UBE3D: variants seen among roughly 807,000 people sequenced by gnomAD.
UBE3D encodes ubiquitin protein ligase E3D.
UBE3D carries 48 observed loss-of-function variants against 49.6 expected under a neutral mutation model. That is an observed-to-expected ratio of 0.97 (90% CI 0.77 to 1.23). The LOEUF (loss-of-function observed/expected upper bound fraction) is 1.23. Ranked by LOEUF, UBE3D falls within the 50% of genes most tolerant of loss-of-function variation. The pLI is 0.00. For synonymous variants in UBE3D, 189 were observed against 174.2 expected (o/e 1.08, Z -0.67); for missense variants, 452 against 468.4 (o/e 0.96, Z 0.32).
At chr6:83,055,668 T>C (rs1216345325) in intron 2 of UBE3D, among the ~76,000 whole-genome samples, 1 of 152,176 alleles carries the variant, frequency 6.6e-6, no homozygotes, top group African/African-American at 2.4e-5. Flanking sequence ...TGTGCTCTAA[T>C]AGATCCTACT....
At chr6:82,911,227 AG>A (rs1772500613) in intron 9 of UBE3D, among the ~76,000 whole-genome samples, 2 of 141,474 alleles carry the variant, frequency 1.4e-5, no homozygotes, top group South Asian at 4.5e-4. Flanking sequence ...AAAAAAACTC[AG>A]GGGGGACATG....
intron 8 of UBE3D, among the ~76,000 whole-genome samples, chr6:83,010,598 G>C (rs1780268506): frequency 6.6e-6 from 1 of 152,108 alleles, no homozygotes; most frequent in South Asian, 2.1e-4. Context: ...ACATATAAAG[G>C]GGAGTTTATT....
intron 8 of UBE3D, among the ~76,000 whole-genome samples, chr6:83,013,492 T>C (rs538564288): frequency 5.3e-5 from 8 of 152,322 alleles, no homozygotes; most frequent in African/African-American, 1.7e-4. Flanking sequence ...AGCCTGGACC[T>C]GTTGCAGAGC....
chr6:82,983,336 ACTT>A (rs1328995382), intron 8 of UBE3D, among the ~76,000 whole-genome samples: 3 of 151,858 alleles, frequency 2.0e-5, no homozygotes, highest in Non-Finnish European at 4.4e-5. Context: ...ATGTTTGATA[ACTT>A]CTTTTCTATT....
intron 9 of UBE3D, among the ~76,000 whole-genome samples, chr6:82,948,329 G>A (rs1775548214): frequency 6.6e-6 from 1 of 151,580 alleles, no homozygotes. Flanking sequence ...ACTGAACCAT[G>A]AAAAAACCCT....
At chr6:82,920,662 G>C (rs1773262760) in intron 9 of UBE3D, among the ~76,000 whole-genome samples, 2 of 152,068 alleles carry the variant, frequency 1.3e-5, no homozygotes, top group African/African-American at 4.8e-5. Flanking sequence ...TAAAGCACTT[G>C]GTATAGAGCC....
chr6:83,053,045 C>A (rs1430118223), intron 3 of UBE3D, among the ~76,000 whole-genome samples: 1 of 152,366 alleles, frequency 6.6e-6, no homozygotes, highest in East Asian at 1.9e-4. Flanking sequence ...AGCAAGCTGA[C>A]CCACGTTAGA....
chr6:82,973,781 C>A lies in UBE3D; in HGVS notation c.1011-16331G>T, dbSNP rs184219081. ...AATACTGGCCTGTGAGCCAAGCAGGCGAAGTTTCATCTGAATTTACAGCCA... is the reference window on the plus strand; with the variant it reads ...AATACTGGCCTGTGAGCCAAGCAGGAGAAGTTTCATCTGAATTTACAGCCA... On this transcript the variant is annotated intron_variant, in intron 8 of 9. Coordinates refer to ENST00000369747, the MANE Select transcript of UBE3D (RefSeq NM_198920.3). Among the ~76,000 whole-genome samples the A allele has an allele frequency of 2.0e-5, 3 of 152,130 alleles. No homozygotes were observed. The South Asian group carries it at 6.2e-4, about 31-fold the overall frequency.
chr6:83,019,258 T>C, intron 7 of UBE3D, 122 bp from the exon 8 acceptor site: 1 of 938,214 alleles, frequency 1.1e-6, no homozygotes, highest in Non-Finnish European at 1.5e-6. Flanking sequence ...GAGAATCATG[T>C]ACATAATTTT....
intron 8 of UBE3D, among the ~76,000 whole-genome samples, chr6:82,959,346 C>T (rs991855486): frequency 5.7e-4 from 86 of 151,336 alleles, no homozygotes; most frequent in African/African-American, 1.9e-3. Flanking sequence ...TTTGCTGATC[C>T]GCTCACAACA....
In UBE3D at chr6:82,972,471, G is replaced by A. The variant is rs141945065; in HGVS notation, c.1011-15021C>T. ...AATACCAAGATCTCATGCTACCTGT[G>A]CAAGAGCCCTTGATTTTGGAAAAAG... is the stretch of plus-strand genomic sequence containing the variant. On this transcript the variant is annotated intron_variant, in intron 8 of 9. Coordinates refer to ENST00000369747, the MANE Select transcript of UBE3D (RefSeq NM_198920.3). Among the ~76,000 whole-genome samples the A allele has an allele frequency of 2.3e-3, 352 of 152,256 alleles. 1 individual carries two copies. Among genetic ancestry groups the A allele is most frequent in the Non-Finnish European group, 4.1e-3 (278 of 68,022 alleles).
intron 9 of UBE3D, among the ~76,000 whole-genome samples, chr6:82,905,545 G>T (rs981983): frequency 1.3e-5 from 2 of 151,890 alleles, no homozygotes; most frequent in African/African-American, 2.4e-5. Context: ...CTGAAATTAG[G>T]CCAATTAATA....
chr6:82,942,331 G>C (rs1775074802), intron 9 of UBE3D, among the ~76,000 whole-genome samples: 1 of 152,194 alleles, frequency 6.6e-6, no homozygotes, highest in African/African-American at 2.4e-5. Context: ...GAGCATAAAA[G>C]ATTGGAAAAT....
chr6:83,024,580 C>A (rs561028218), intron 5 of UBE3D, among the ~76,000 whole-genome samples: 1 of 152,214 alleles, frequency 6.6e-6, no homozygotes, highest in Admixed American at 6.5e-5. Context: ...GGAATAATCA[C>A]AGGAAGCATT....
intron 8 of UBE3D, among the ~76,000 whole-genome samples, chr6:83,015,269 G>A (rs1780621373): frequency 6.6e-6 from 1 of 152,114 alleles, no homozygotes; most frequent in Non-Finnish European, 1.5e-5. Context: ...CAGCTGGGAT[G>A]AGTAGATCTA....
chr6:83,029,347 A>T (rs992808416), intron 5 of UBE3D, among the ~76,000 whole-genome samples: 2 of 151,820 alleles, frequency 1.3e-5, no homozygotes, highest in African/African-American at 4.8e-5. Context: ...AAGTTCAATA[A>T]TTTTTTTTAT....
At position 83,030,270 on chromosome 6, in the gene UBE3D, C is replaced by T. The variant is rs149091504; in HGVS notation, c.668-6232G>A. Among the ~76,000 whole-genome samples, 1,465 of 152,148 alleles carry T rather than the reference C, an allele frequency of 9.6e-3. 21 individuals carry two copies. The highest frequency in any genetic ancestry group is 0.033 in the African/African-American group (1,389 of 41,520). On this transcript the variant is annotated intron_variant, in intron 5 of 9. Coordinates refer to ENST00000369747, the MANE Select transcript of UBE3D (RefSeq NM_198920.3). The stretch of plus-strand genomic sequence containing the variant: ...GTCTCCACCCAAATCTCATCTTAAA[C>T]TGTAGCTCCCATAATTGCCATGTAT...
At chr6:82,943,755 C>T (rs759516687) in intron 9 of UBE3D, among the ~76,000 whole-genome samples, 20 of 152,288 alleles carry the variant, frequency 1.3e-4, no homozygotes, top group Middle Eastern at 3.4e-3. Context: ...ATTGTCAATG[C>T]CACCCCTCTC....
chr6:83,043,037 T>G (rs1329342275), intron 4 of UBE3D, among the ~76,000 whole-genome samples: 1 of 152,216 alleles, frequency 6.6e-6, no homozygotes, highest in East Asian at 1.9e-4. Flanking sequence ...TCCCACAGTC[T>G]CCTTGATACT....
Sources: allele counts gnomAD v4.1 joint callset (sites outside exome capture counted in the v4.1 genomes callset), GRCh38; gene constraint gnomAD v4.1.1; transcripts MANE v1.5; gene names NCBI Gene and HGNC (gene_info 2026-07-23, HGNC 2026-07-21).